Variants in GNG2 observed in about 807,000 individuals in gnomAD.
GNG2 encodes guanine nucleotide-binding protein G(I)/G(S)/G(O) subunit gamma-2.
In GNG2, 5 loss-of-function variants were observed where a neutral mutation model predicts 5.5. That is an observed-to-expected ratio of 0.91 (90% CI 0.48 to 1.92). The LOEUF (loss-of-function observed/expected upper bound fraction) is 1.92, where lower values mean the gene tolerates loss of function less well. Ranked by LOEUF, GNG2 falls within the 30% of genes most tolerant of loss-of-function variation. The pLI, the probability that GNG2 is intolerant of heterozygous loss-of-function variation, is 0.01. For missense variants in GNG2, 55 were observed against 88.4 expected, an observed-to-expected ratio of 0.62 and a Z score of 1.52; for synonymous variants, 28 against 32.0, an observed-to-expected ratio of 0.88 and a Z score of 0.42.
At chr14:51,894,235 T>C (rs1470827740) in intron 2 of GNG2, among the ~76,000 whole-genome samples, 2 of 152,154 alleles carry the variant, frequency 1.3e-5, no homozygotes, top group Non-Finnish European at 2.9e-5. Flanking sequence ...AATTCAAATA[T>C]ATCGTAGTTT....
intron 2 of GNG2, among the ~76,000 whole-genome samples, chr14:51,840,599 G>A (rs1465817345): frequency 1.3e-5 from 2 of 152,144 alleles, no homozygotes; most frequent in Non-Finnish European, 2.9e-5. Flanking sequence ...CTTGTGCCTG[G>A]ATTGTCATTC....
At position 51,968,853 on chromosome 14, in the gene GNG2, A is replaced by G. The variant is rs1337616907; in HGVS notation, c.*2166A>G. ...CCAGACGATTTCCACTATTCACAGCATTTCCTTTTCTCAGAAGGACTCTTT... is the reference window on the plus strand; with the variant it reads ...CCAGACGATTTCCACTATTCACAGCGTTTCCTTTTCTCAGAAGGACTCTTT... On this transcript the variant is annotated 3_prime_UTR_variant, in exon 4 of 4. Coordinates refer to ENST00000556766, the MANE Select transcript of GNG2 (RefSeq NM_053064.5). 1 of 152,182 alleles carries G rather than the reference A, an allele frequency of 6.6e-6. No homozygotes were observed. Among genetic ancestry groups the G allele is most frequent in the African/African-American group, 2.4e-5 (1 of 41,444 alleles). The allele number at this position is 152,182 out of a possible 1,614,324, so 9.4% of individuals were successfully genotyped here. A position where few individuals can be genotyped will look rare whatever the true frequency, so the allele number is the denominator to read the frequency against.
intron 1 of GNG2, among the ~76,000 whole-genome samples, chr14:51,870,749 G>A (rs569115734): frequency 6.6e-6 from 1 of 152,258 alleles, no homozygotes; most frequent in African/African-American, 2.4e-5. Context: ...CATTACTGTC[G>A]CATTCTCTTT....
At chr14:51,890,031 A>T (rs1378432827) in intron 2 of GNG2, among the ~76,000 whole-genome samples, 2 of 152,234 alleles carry the variant, frequency 1.3e-5, no homozygotes, top group Admixed American at 6.5e-5. Context: ...AAGTCCAAGT[A>T]CTCAAAATAA....
At chr14:51,921,894 C>A (rs1301302068) in intron 2 of GNG2, among the ~76,000 whole-genome samples, 1 of 152,194 alleles carries the variant, frequency 6.6e-6, no homozygotes, top group Non-Finnish European at 1.5e-5. Flanking sequence ...TTTAATTAAA[C>A]CCATACAGAT....
In GNG2 at chr14:51,860,737, T is replaced by G. The variant is rs1305589628; in HGVS notation, c.-124T>G. 1 of 152,264 alleles carries G rather than the reference T, an allele frequency of 6.6e-6. No individual in the cohort carries two copies. The highest frequency in any genetic ancestry group is 1.5e-5 in the Non-Finnish European group (1 of 68,098). 9.4% of individuals were successfully genotyped at this position (152,264 alleles called of 1,614,324 possible). ...CTGCGCCGGAGCTCGCCTGCACAGA[T>G]CAGCTCCGGAGAGGGGAAAACCACG... On this transcript the variant is annotated 5_prime_UTR_variant, in exon 1 of 4. Transcript: ENST00000556766.
chr14:51,923,103 G>A (rs1240794679), intron 2 of GNG2, among the ~76,000 whole-genome samples: 1 of 152,158 alleles, frequency 6.6e-6, no homozygotes, highest in East Asian at 1.9e-4. Flanking sequence ...AATGACAACT[G>A]AGCAGAGAAA....
chr14:51,875,960 C>G (rs1883634636), intron 1 of GNG2, among the ~76,000 whole-genome samples: 1 of 41,886 alleles, frequency 2.4e-5, no homozygotes, highest in Non-Finnish European at 4.6e-5. Context: ...TTTTCCGAGA[C>G]AGACTCTCAC....
chr14:51,847,802 A>G (rs1323020839), intron 2 of GNG2, among the ~76,000 whole-genome samples: 1 of 146,760 alleles, frequency 6.8e-6, no homozygotes, highest in East Asian at 2.1e-4. Context: ...GTGCTCCTTG[A>G]TTTTAAAAAG....
intron 2 of GNG2, among the ~76,000 whole-genome samples, chr14:51,940,857 A>C (rs1888278615): frequency 6.6e-6 from 1 of 152,190 alleles, no homozygotes; most frequent in South Asian, 2.1e-4. Context: ...ACGACCCTGA[A>C]ACCTGGCAGG....
rs1172501473 is a variant in GNG2 at position 51,967,737 on chromosome 14, G to A, written c.*1050G>A. ...AGCAGGAGAGTTAAGGATTCACCAT[G>A]AGCTGGGAAATGCTTTTGCCATGAG... On this transcript the variant is annotated 3_prime_UTR_variant, in exon 4 of 4. Coordinates refer to ENST00000556766, the MANE Select transcript of GNG2 (RefSeq NM_053064.5). 2 of 152,032 alleles carry A rather than the reference G, an allele frequency of 1.3e-5. No individual in the cohort carries two copies. Among genetic ancestry groups the A allele is most frequent in the Non-Finnish European group, 2.9e-5 (2 of 68,022 alleles). The allele number at this position is 152,032 out of a possible 1,614,324, so 9.4% of individuals were successfully genotyped here.
chr14:51,871,018 C>A (rs1293251033), intron 1 of GNG2, among the ~76,000 whole-genome samples: 5 of 152,112 alleles, frequency 3.3e-5, no homozygotes, highest in African/African-American at 1.2e-4. Context: ...CTAGACTTTG[C>A]CAACAGAGCT....
chr14:51,898,613 C>T (rs889630695), intron 2 of GNG2, among the ~76,000 whole-genome samples: 2 of 152,220 alleles, frequency 1.3e-5, no homozygotes, highest in African/African-American at 2.4e-5. Context: ...CCAGGGAAGG[C>T]TCTTTGTCTG....
intron 2 of GNG2, among the ~76,000 whole-genome samples, chr14:51,890,827 C>T (rs1218245557): frequency 1.3e-5 from 2 of 151,924 alleles, no homozygotes; most frequent in African/African-American, 4.8e-5. Context: ...GGAATGGCCC[C>T]CTGTAACAAA....
At chr14:51,855,694 C>T (rs1375985698), upstream of GNG2, among the ~76,000 whole-genome samples, 1 of 152,106 alleles carries the variant, frequency 6.6e-6, no homozygotes, top group Non-Finnish European at 1.5e-5. Flanking sequence ...ATGGATTTAC[C>T]TTTTTGTTCC....
chr14:51,935,299 A>C (rs1887924128), intron 2 of GNG2, among the ~76,000 whole-genome samples: 1 of 152,028 alleles, frequency 6.6e-6, no homozygotes, highest in African/African-American at 2.4e-5. Flanking sequence ...TGCTGGGATT[A>C]CAGGCGTGAG....
intron 2 of GNG2, among the ~76,000 whole-genome samples, chr14:51,832,760 C>A (rs1010568342): frequency 6.6e-6 from 1 of 152,248 alleles, no homozygotes; most frequent in Non-Finnish European, 1.5e-5. Flanking sequence ...AAGGGCCTCA[C>A]CCTCATGACC....
chr14:51,826,897 G>T (rs1024344097), intron 1 of GNG2, among the ~76,000 whole-genome samples: 20 of 152,156 alleles, frequency 1.3e-4, no homozygotes, highest in Non-Finnish European at 2.8e-4. Flanking sequence ...AGAATGAGAT[G>T]GCTATGAGGT....
At chr14:51,835,583 T>A (rs752762336) in intron 2 of GNG2, among the ~76,000 whole-genome samples, 1 of 152,176 alleles carries the variant, frequency 6.6e-6, no homozygotes, top group African/African-American at 2.4e-5. Context: ...CTGAATCCCA[T>A]GTTCTGTGTG....
Sources: gnomAD v4.1 joint callset for allele counts (sites outside exome capture counted in the v4.1 genomes callset) on GRCh38, gnomAD v4.1.1 for gene constraint, MANE v1.5 for transcripts, NCBI Gene and HGNC (gene_info 2026-07-23, HGNC 2026-07-21) for gene names.